BICDL1: variants seen among roughly 807,000 people sequenced by gnomAD.
BICDL1 encodes the protein BICD family-like cargo adapter 1.
Under a neutral mutation model 76.8 loss-of-function variants are expected in BICDL1, and 20 were observed. The observed-to-expected ratio is 0.26, with a 90% confidence interval of 0.18 to 0.38. The LOEUF is 0.38. BICDL1 is among the 10% of genes least tolerant of loss of function. The pLI is 1.00. For synonymous variants in BICDL1, 383 were observed against 337.1 expected, an observed-to-expected ratio of 1.14 and a Z score of -1.49; for missense variants, 700 against 798.6, an observed-to-expected ratio of 0.88 and a Z score of 1.49.
chr12:120,058,881 G>A (rs1393189625), intron 2 of BICDL1, among the ~76,000 whole-genome samples: 1 of 152,016 alleles, frequency 6.6e-6, no homozygotes, highest in Non-Finnish European at 1.5e-5. Flanking sequence ...GTGAGCCACT[G>A]CAGCTGGCCT....
chr12:120,002,237 AT>A (rs1951773470), intron 2 of BICDL1, among the ~76,000 whole-genome samples: 1 of 152,160 alleles, frequency 6.6e-6, no homozygotes, highest in Non-Finnish European at 1.5e-5. Flanking sequence ...TTTTAATTTG[AT>A]TACCTATGTA....
chr12:119,989,919 G>A lies in BICDL1; in HGVS notation c.51G>A (p.Glu17=). The A allele has an allele frequency of 6.8e-7, 1 of 1,461,016 alleles. No individual in the cohort carries two copies. Among genetic ancestry groups the A allele is most frequent in the Non-Finnish European group, 8.9e-7 (1 of 1,119,366 alleles). The allele number at this position is 1,461,016 out of a possible 1,614,324, so 90.5% of individuals were successfully genotyped here. Residue 17 remains glutamate, a synonymous_variant, in exon 1 of 10, where the codon GAG becomes GAA. Transcript: ENST00000548673. ...GLVGRASAPA[E]PDSACCMELP... is the part of the protein sequence containing the mutation. Reference sequence around the variant, plus strand: ...TCGGCCGCGCTTCAGCACCCGCCGAGCCGGACAGCGCCTGCTGCATGGAGC... The same window carrying A: ...TCGGCCGCGCTTCAGCACCCGCCGAACCGGACAGCGCCTGCTGCATGGAGC...
At chr12:120,012,312 T>C (rs1285880750) in intron 2 of BICDL1, among the ~76,000 whole-genome samples, 1 of 152,254 alleles carries the variant, frequency 6.6e-6, no homozygotes, top group Non-Finnish European at 1.5e-5. Context: ...TTTAAAATTA[T>C]GCATCATAGT....
At chr12:120,087,872 T>A (rs1874560347) in intron 8 of BICDL1, among the ~76,000 whole-genome samples, 1 of 152,242 alleles carries the variant, frequency 6.6e-6, no homozygotes, top group South Asian at 2.1e-4. Context: ...CCATCAGTAA[T>A]CATCACCCAG....
chr12:120,081,349 C>CT (rs1184204926), intron 8 of BICDL1, among the ~76,000 whole-genome samples: 23,474 of 116,940 alleles, frequency 0.2, 3,510 homozygotes, highest in East Asian at 0.38. Context: ...AAGAGCTTTC[C>CT]TTTTTTTTTT....
chr12:120,020,262 T>C (rs910174316), intron 2 of BICDL1, among the ~76,000 whole-genome samples: 2 of 152,182 alleles, frequency 1.3e-5, no homozygotes, highest in Non-Finnish European at 2.9e-5. Flanking sequence ...TTAAAACAGA[T>C]GAACTAATGG....
chr12:120,092,045 C>T lies in BICDL1; in HGVS notation c.1705-955C>T, dbSNP rs572930508. 3,406 of 985,442 alleles carry T rather than the reference C, an allele frequency of 3.5e-3. 6 individuals are homozygous for T. Among genetic ancestry groups the T allele is most frequent in the Non-Finnish European group, 3.9e-3 (3,271 of 829,940 alleles). The allele number at this position is 985,442 out of a possible 1,614,324, so 61.0% of individuals were successfully genotyped here. ...TGCCAGGTTCAAGTCATGAAGGAATCGAGCAGACACATGTTACATTTACTG... is the reference window on the plus strand; with the variant it reads ...TGCCAGGTTCAAGTCATGAAGGAATTGAGCAGACACATGTTACATTTACTG... On this transcript the variant is annotated intron_variant, in intron 9 of 9. Coordinates refer to ENST00000548673, the MANE Select transcript of BICDL1 (RefSeq NM_001367886.1).
At chr12:120,020,803 A>C (rs1952163455) in intron 2 of BICDL1, among the ~76,000 whole-genome samples, 1 of 152,234 alleles carries the variant, frequency 6.6e-6, no homozygotes. Flanking sequence ...CAAGTGCTCC[A>C]TCTTGGCATC....
At chr12:120,000,809 GGT>G (rs1357606734) in intron 2 of BICDL1, among the ~76,000 whole-genome samples, 1 of 152,040 alleles carries the variant, frequency 6.6e-6, no homozygotes, top group African/African-American at 2.4e-5. Context: ...CTTTAAAATG[GGT>G]GTAAAAATTA....
chr12:120,085,095 C>T (rs550439254), intron 8 of BICDL1, among the ~76,000 whole-genome samples: 7 of 152,186 alleles, frequency 4.6e-5, no homozygotes, highest in African/African-American at 1.2e-4. Context: ...TCCCACATAA[C>T]GATGTATCTT....
At chr12:120,049,471 G>T (rs556682322) in intron 2 of BICDL1, among the ~76,000 whole-genome samples, 1 of 152,332 alleles carries the variant, frequency 6.6e-6, no homozygotes, top group Admixed American at 6.5e-5. Context: ...GTCGTTAGGG[G>T]AACCAAGTGT....
At chr12:120,089,306 G>GGTGT (rs10681563) in intron 8 of BICDL1, among the ~76,000 whole-genome samples, 49,451 of 150,308 alleles carry the variant, frequency 0.33, 10,834 homozygotes, top group African/African-American at 0.62. Context: ...GTGTGTGTGG[G>GGTGT]GTGTGACGGA....
Position 120,071,867 on chromosome 12 carries a change from C to G in BICDL1, c.1089+66C>G, listed in dbSNP as rs906356842. The G allele has an allele frequency of 5.1e-5, 74 of 1,458,892 alleles. No individual in the cohort carries two copies. Among genetic ancestry groups the G allele is most frequent in the Non-Finnish European group, 6.6e-5 (73 of 1,104,874 alleles). The allele number at this position is 1,458,892 out of a possible 1,614,324, so 90.4% of individuals were successfully genotyped here. ...GGTTGCTTAGGTCTCATCCTCCTCC[C>G]TAGTGCTCAGCTGCCATCCTGGCAA... is the stretch of plus-strand genomic sequence containing the variant. On this transcript the variant is annotated intron_variant, in intron 5 of 9. Transcript: ENST00000548673. This position sits in a 1 kb window ranked among gnomAD's most constrained non-coding sequence, Gnocchi z 4.8.
chr12:120,055,094 C>G (rs1055676221), intron 2 of BICDL1, among the ~76,000 whole-genome samples: 5 of 152,178 alleles, frequency 3.3e-5, no homozygotes, highest in Non-Finnish European at 7.3e-5. Flanking sequence ...GTCACTGTCA[C>G]TGCCACCCCA....
chr12:120,093,283 A>C lies in BICDL1; in HGVS notation c.*122A>C. 8.4e-7 allele frequency: 1 copy of C among 1,186,902 alleles called. No individual in the cohort carries two copies. The highest frequency in any genetic ancestry group is 2.7e-4 in the Middle Eastern group (1 of 3,722). 73.5% of individuals were successfully genotyped at this position (1,186,902 alleles called of 1,614,324 possible). A position where few individuals can be genotyped will look rare whatever the true frequency, so the allele number is the denominator to read the frequency against. On this transcript the variant is annotated 3_prime_UTR_variant, in exon 10 of 10. Transcript: ENST00000548673. ...GCCCTGCCCCTCATGCTAGGGCCCC[A>C]TGGGTCCGGGAGGGCCTGCTCCCTT...
Position 120,040,148 on chromosome 12 carries a change from A to G in BICDL1, c.646-21562A>G, listed in dbSNP as rs372354825. On this transcript the variant is annotated intron_variant, in intron 2 of 9. Coordinates refer to ENST00000548673, the MANE Select transcript of BICDL1 (RefSeq NM_001367886.1). ...GATAGAATCTCATTCTGTCACCCAC[A>G]CTGGAGTGCAGTGGTGCAATTTCTG... 4.6e-5 allele frequency among the ~76,000 whole-genome samples: 7 copies of G among 151,620 alleles called. No individual in the cohort carries two copies. The East Asian group carries it at 5.8e-4, about 13-fold the overall frequency.
intron 2 of BICDL1, among the ~76,000 whole-genome samples, chr12:120,044,733 T>A (rs1309451321): frequency 2.0e-5 from 3 of 152,152 alleles, no homozygotes; most frequent in Non-Finnish European, 4.4e-5. Context: ...GCGGCGTTAT[T>A]TCTGAGGGCT....
At chr12:120,088,409 T>G (rs1228983426) in intron 8 of BICDL1, among the ~76,000 whole-genome samples, 2 of 152,156 alleles carry the variant, frequency 1.3e-5, no homozygotes, top group African/African-American at 4.8e-5. Flanking sequence ...CAGGCTGGAG[T>G]GCAGTGGCAC....
intron 7 of BICDL1, 21 bp from the exon 8 acceptor site, chr12:120,080,866 C>A (rs569155727): frequency 6.2e-7 from 1 of 1,610,750 alleles, no homozygotes; most frequent in East Asian, 2.2e-5. Flanking sequence ...AGCAGTGATA[C>A]CATATTCATT....
Sources: allele counts gnomAD v4.1 joint callset (sites outside exome capture counted in the v4.1 genomes callset), GRCh38; gene constraint gnomAD v4.1.1; non-coding constraint Gnocchi (gnomAD v3.1); transcripts MANE v1.5; gene names NCBI Gene and HGNC (gene_info 2026-07-23, HGNC 2026-07-21).